Variants in PLPPR1 observed in about 807,000 individuals in gnomAD.
The protein encoded by PLPPR1 is phospholipid phosphatase related 1, also known as phospholipid phosphatase-related protein type 1.
Under a neutral mutation model 33.1 loss-of-function variants are expected in PLPPR1, and 10 were observed. The observed-to-expected ratio is 0.30, with a 90% CI of 0.19 to 0.51. The LOEUF (loss-of-function observed/expected upper bound fraction) is 0.51. Among genes scored for constraint, PLPPR1 ranks in the 20% least tolerant of loss-of-function variants. The pLI, the probability that PLPPR1 is intolerant of heterozygous loss-of-function variation, is 0.97. For synonymous variants in PLPPR1, 151 were observed against 151.0 expected, an observed-to-expected ratio of 1.00 and a Z score of 0.00; for missense variants, 304 against 408.1, an observed-to-expected ratio of 0.74 and a Z score of 2.20.
chr9:101,315,362 A>G (rs1408363301), intron 6 of PLPPR1, among the ~76,000 whole-genome samples: 1 of 152,188 alleles, frequency 6.6e-6, no homozygotes, highest in Non-Finnish European at 1.5e-5. Flanking sequence ...TTGGCTCAAG[A>G]AAAGACAAAC....
At chr9:101,183,883 C>G (rs1436350996) in intron 1 of PLPPR1, among the ~76,000 whole-genome samples, 1 of 151,644 alleles carries the variant, frequency 6.6e-6, no homozygotes, top group Non-Finnish European at 1.5e-5. Flanking sequence ...GTGTTTGATG[C>G]CTTTGCTTTT....
rs190274035 is a variant in PLPPR1, at chr9:101,219,329, G to A, written c.63+33772G>A. ...TGAATTCACTCCAGCTACCTGGTAC[G>A]TGAGAAAAGAAGCATTTAATGCTGA... is the stretch of plus-strand genomic sequence containing the variant. On this transcript the variant is annotated intron_variant, in intron 2 of 7. Transcript: ENST00000374874. Among the ~76,000 whole-genome samples the A allele has an allele frequency of 6.5e-4, 99 of 152,292 alleles. 1 individual carries two copies. In the East Asian group the frequency reaches 0.012, roughly 19 times the overall value.
chr9:101,321,172 C>G (rs138926592), intron 7 of PLPPR1, among the ~76,000 whole-genome samples: 3 of 152,334 alleles, frequency 2.0e-5, no homozygotes, highest in African/African-American at 7.2e-5. Flanking sequence ...ATTAGAACCT[C>G]TCTTCAGAGC....
At chr9:101,222,837 G>A (rs766341804) in intron 2 of PLPPR1, among the ~76,000 whole-genome samples, 25 of 147,134 alleles carry the variant, frequency 1.7e-4, no homozygotes, top group Non-Finnish European at 2.4e-4. Context: ...CCCCGCCCCC[G>A]CCATGATAGT....
chr9:101,058,371 G>A (rs1470236802), intron 1 of PLPPR1, among the ~76,000 whole-genome samples: 1 of 151,916 alleles, frequency 6.6e-6, no homozygotes, highest in Non-Finnish European at 1.5e-5. Flanking sequence ...TGAGGAGGTG[G>A]GGGTGGGGTT....
At chr9:101,112,490 CAG>C (rs1351506547) in intron 1 of PLPPR1, among the ~76,000 whole-genome samples, 3 of 152,144 alleles carry the variant, frequency 2.0e-5, no homozygotes, top group Non-Finnish European at 4.4e-5. Flanking sequence ...CAGATGCAAA[CAG>C]TGTCATTAGC....
At chr9:101,259,551 G>T (rs751026810) in intron 2 of PLPPR1, among the ~76,000 whole-genome samples, 1 of 152,162 alleles carries the variant, frequency 6.6e-6, no homozygotes, top group East Asian at 1.9e-4. Flanking sequence ...TTGCTGGTTT[G>T]CAGGTAGCTA....
At chr9:101,172,818 T>C (rs1257451472) in intron 1 of PLPPR1, among the ~76,000 whole-genome samples, 1 of 152,086 alleles carries the variant, frequency 6.6e-6, no homozygotes, top group African/African-American at 2.4e-5. Flanking sequence ...GCCTAGATAC[T>C]CTCCAGACTA....
chr9:101,137,930 C>A (rs2567306), intron 1 of PLPPR1, among the ~76,000 whole-genome samples: 96,748 of 152,092 alleles, frequency 0.64, 31,952 homozygotes, highest in Non-Finnish European at 0.74. Flanking sequence ...AGCAAGTGGC[C>A]GATGCAGGAT....
At chr9:101,060,585 AC>A (rs1324458872) in intron 1 of PLPPR1, among the ~76,000 whole-genome samples, 2 of 152,070 alleles carry the variant, frequency 1.3e-5, no homozygotes, top group Non-Finnish European at 2.9e-5. Flanking sequence ...AATATGTATA[AC>A]TTTTACTTGT....
intron 5 of PLPPR1, among the ~76,000 whole-genome samples, chr9:101,310,966 C>T (rs917993797): frequency 1.3e-5 from 2 of 152,154 alleles, no homozygotes; most frequent in African/African-American, 4.8e-5. Context: ...ACCAAAAAAC[C>T]TCTATGCAGG....
chr9:101,125,279 T>TCCACTTTA (rs1490782245), intron 1 of PLPPR1, among the ~76,000 whole-genome samples: 2 of 152,138 alleles, frequency 1.3e-5, no homozygotes, highest in African/African-American at 2.4e-5. Flanking sequence ...TCTATTTATC[T>TCCACTTTA]CCACTTTACG....
intron 3 of PLPPR1, among the ~76,000 whole-genome samples, chr9:101,273,060 C>T (rs1828127955): frequency 6.6e-6 from 1 of 152,080 alleles, no homozygotes; most frequent in Non-Finnish European, 1.5e-5. Flanking sequence ...TTTGAAACAC[C>T]TTAAGTAATG....
chr9:101,067,625 C>T (rs1454891168), intron 1 of PLPPR1, among the ~76,000 whole-genome samples: 1 of 152,034 alleles, frequency 6.6e-6, no homozygotes, highest in Non-Finnish European at 1.5e-5. Flanking sequence ...AGAGAGGTCA[C>T]AATCCACCTT....
intron 1 of PLPPR1, among the ~76,000 whole-genome samples, chr9:101,146,604 T>G (rs763883787): frequency 2.0e-5 from 3 of 152,250 alleles, no homozygotes; most frequent in Non-Finnish European, 4.4e-5. Flanking sequence ...ACAAACTGGC[T>G]GAACAAGCAA....
chr9:101,125,660 C>A, intron 1 of PLPPR1: 1 of 598,974 alleles, frequency 1.7e-6, no homozygotes, highest in South Asian at 1.6e-5. Context: ...CATGGCAATT[C>A]ACATATTTAG....
At position 101,271,656 on chromosome 9, in the gene PLPPR1, G is replaced by C. The variant is rs1033074625; in HGVS notation, c.252+1588G>C. On this transcript the variant is annotated intron_variant, in intron 3 of 7. Transcript: ENST00000374874. ...AGGAGGCCAGACTCGGTTCTGTCTG[G>C]TATGGTTTCATGGTGGCTCTACCTG... 9.2e-5 allele frequency among the ~76,000 whole-genome samples: 14 copies of C among 152,144 alleles called. No individual in the cohort carries two copies. The South Asian group carries it at 2.9e-3, about 32-fold the overall frequency.
intron 1 of PLPPR1, among the ~76,000 whole-genome samples, chr9:101,100,416 T>C (rs981178629): frequency 8.5e-5 from 13 of 152,124 alleles, no homozygotes; most frequent in South Asian, 4.1e-4. Context: ...TATTTATTTT[T>C]ATTTGTGAAA....
intron 1 of PLPPR1, among the ~76,000 whole-genome samples, chr9:101,156,418 T>G (rs914793979): frequency 6.6e-6 from 1 of 151,548 alleles, no homozygotes; most frequent in African/African-American, 2.4e-5. Context: ...GGTATGGTGG[T>G]GTCTGCCTGT....
Sources: gnomAD v4.1 joint callset for allele counts (sites outside exome capture counted in the v4.1 genomes callset) on GRCh38, gnomAD v4.1.1 for gene constraint, MANE v1.5 for transcripts, NCBI Gene and HGNC (gene_info 2026-07-23, HGNC 2026-07-21) for gene names.